UBE2G1: variants seen among roughly 807,000 people sequenced by gnomAD.
UBE2G1 encodes the protein ubiquitin-conjugating enzyme E2 G1.
Under a neutral mutation model 22.7 loss-of-function variants are expected in UBE2G1, and 5 were observed. That is an observed-to-expected ratio of 0.22 (90% CI 0.12 to 0.46). The LOEUF (loss-of-function observed/expected upper bound fraction) is 0.46. Ranked by LOEUF, UBE2G1 falls within the 20% of genes least tolerant of loss-of-function variation. The probability of loss-of-function intolerance (pLI) is 0.99; values close to 1 mark genes in which losing one functional copy is unlikely to be tolerated. For synonymous variants in UBE2G1, 74 were observed against 67.5 expected (o/e 1.10, Z -0.47); for missense variants, 88 against 203.9 (o/e 0.43, Z 3.46).
At chr17:4,343,944 G>C (rs577742495) in intron 1 of UBE2G1, among the ~76,000 whole-genome samples, 4 of 152,056 alleles carry the variant, frequency 2.6e-5, no homozygotes, top group Non-Finnish European at 5.9e-5. Flanking sequence ...CTCCTCAGTT[G>C]CAACAGATAC....
intron 1 of UBE2G1, among the ~76,000 whole-genome samples, chr17:4,330,692 G>A (rs769300539): frequency 3.9e-5 from 6 of 151,950 alleles, no homozygotes; most frequent in Non-Finnish European, 8.8e-5. Context: ...AGCCAAGATC[G>A]CACCATTGCG....
rs770757443 is a variant in UBE2G1 at position 4,280,037 on chromosome 17, C to CTT, written c.*37+2759_*37+2760dup. Among the ~76,000 whole-genome samples the CTT allele has an allele frequency of 2.9e-3, 399 of 139,956 alleles. 2 individuals are homozygous for CTT. The highest frequency in any genetic ancestry group is 9.9e-3 in the African/African-American group (373 of 37,852). 91.8% of individuals were successfully genotyped at this position (139,956 alleles called of 152,430 possible). A position where few individuals can be genotyped will look rare whatever the true frequency, so the allele number is the denominator to read the frequency against. On this transcript the variant is annotated intron_variant, in intron 5 of 5. Coordinates refer to ENST00000396981, the MANE Select transcript of UBE2G1 (RefSeq NM_003342.5). ...CAATATCCAGATTTAGATAGATAGA[C>CTT]TTTTTTTTTTTTTTTTGAGATGAAG...
At chr17:4,282,290 C>T (rs1025215169) in intron 5 of UBE2G1, among the ~76,000 whole-genome samples, 2 of 152,018 alleles carry the variant, frequency 1.3e-5, no homozygotes, top group African/African-American at 4.8e-5. Context: ...ACCATGTTGT[C>T]CAGGCTAGTC....
rs539594856 is a variant in UBE2G1 at position 4,353,675 on chromosome 17, G to T, written c.46+12596C>A. 1.1e-4 allele frequency among the ~76,000 whole-genome samples: 16 copies of T among 151,910 alleles called. 1 individual carries two copies. In the South Asian group the frequency reaches 3.3e-3, roughly 32 times the overall value. On this transcript the variant is annotated intron_variant, in intron 1 of 5. Coordinates refer to ENST00000396981, the MANE Select transcript of UBE2G1 (RefSeq NM_003342.5). ...CTACAGGCACGTGCCACCACACCCG[G>T]CTAATTTTTGTATTTTTAGTAGAGA... is the stretch of plus-strand genomic sequence containing the variant.
chr17:4,354,515 C>T (rs916563907), intron 1 of UBE2G1, among the ~76,000 whole-genome samples: 1 of 151,882 alleles, frequency 6.6e-6, no homozygotes, highest in African/African-American at 2.4e-5. Context: ...CTAAGAACTC[C>T]CAAAAGAAAA....
In UBE2G1 at chr17:4,289,072, T is replaced by C. The variant is rs1178939816; in HGVS notation, c.426+158A>G. 2.0e-5 allele frequency among the ~76,000 whole-genome samples: 3 copies of C among 149,704 alleles called. No homozygotes were observed. In the East Asian group the frequency reaches 5.9e-4, roughly 29 times the overall value. ...AAAATAAATACGTAAATAAATATAT[T>C]TATTTTGTCAAAAATAAGAACTATG... On this transcript the variant is annotated intron_variant, in intron 4 of 5. Transcript: ENST00000396981.
At chr17:4,338,252 A>G (rs1411171101) in intron 1 of UBE2G1, among the ~76,000 whole-genome samples, 1 of 152,186 alleles carries the variant, frequency 6.6e-6, no homozygotes, top group Non-Finnish European at 1.5e-5. Flanking sequence ...GCTGGACTAA[A>G]AAAACAATTA....
intron 1 of UBE2G1, among the ~76,000 whole-genome samples, chr17:4,363,354 T>C (rs759822706): frequency 5.3e-5 from 8 of 152,308 alleles, no homozygotes; most frequent in Non-Finnish European, 1.2e-4. Context: ...AACTTTACAA[T>C]GAGGCCTGAA....
intron 5 of UBE2G1, among the ~76,000 whole-genome samples, chr17:4,273,082 C>A (rs910771932): frequency 2.0e-5 from 3 of 152,232 alleles, no homozygotes; most frequent in Non-Finnish European, 4.4e-5. Flanking sequence ...TCCATCCCAA[C>A]CACAGTTTCT....
intron 2 of UBE2G1, chr17:4,301,662 GT>G (rs1969181541): frequency 1.3e-6 from 1 of 775,754 alleles, no homozygotes; most frequent in Non-Finnish European, 2.3e-6. Context: ...CACTGGACAG[GT>G]TGTTTTGTTC....
chr17:4,282,103 G>C (rs1462588949), intron 5 of UBE2G1, among the ~76,000 whole-genome samples: 2 of 152,138 alleles, frequency 1.3e-5, no homozygotes, highest in Non-Finnish European at 2.9e-5. Flanking sequence ...TTTTTTCTGA[G>C]ATAGAGTCTT....
At chr17:4,325,668 G>C (rs1434538073) in intron 1 of UBE2G1, among the ~76,000 whole-genome samples, 2 of 152,084 alleles carry the variant, frequency 1.3e-5, no homozygotes, top group Non-Finnish European at 2.9e-5. Flanking sequence ...AAACATTCTT[G>C]AAAACAAGAA....
intron 3 of UBE2G1, among the ~76,000 whole-genome samples, chr17:4,293,372 C>T (rs1199367065): frequency 6.6e-6 from 1 of 152,090 alleles, no homozygotes; most frequent in Non-Finnish European, 1.5e-5. Flanking sequence ...CTTTTTATTG[C>T]CAAATAATAT....
intron 1 of UBE2G1, among the ~76,000 whole-genome samples, chr17:4,324,245 G>A (rs1328304253): frequency 6.6e-6 from 1 of 152,150 alleles, no homozygotes; most frequent in Non-Finnish European, 1.5e-5. Context: ...GGTTAGACCT[G>A]CACTTTCTAA....
At chr17:4,278,436 A>C (rs1351651793) in intron 5 of UBE2G1, among the ~76,000 whole-genome samples, 1 of 136,956 alleles carries the variant, frequency 7.3e-6, no homozygotes, top group Non-Finnish European at 1.6e-5. Context: ...TGAACTTAAA[A>C]AAGAAAAAAT....
chr17:4,275,097 C>G (rs1458378616), intron 5 of UBE2G1, among the ~76,000 whole-genome samples: 1 of 151,712 alleles, frequency 6.6e-6, no homozygotes, highest in Non-Finnish European at 1.5e-5. Flanking sequence ...GCAAGACTCC[C>G]GTCTTAAAAA....
intron 1 of UBE2G1, among the ~76,000 whole-genome samples, chr17:4,315,333 T>C (rs571119327): frequency 2.6e-5 from 4 of 152,328 alleles, no homozygotes; most frequent in African/African-American, 9.6e-5. Flanking sequence ...GTTTTCAGTA[T>C]TGTCGATCAT....
rs1969115868 is a variant in UBE2G1 at position 4,296,612 on chromosome 17, GC to G, written c.247+104del. On this transcript the variant is annotated intron_variant, in intron 3 of 5. Transcript: ENST00000396981. ...TGTGCACAATGAACAGTACAAAAAT[GC>G]CAAAGCAATTTCACTGAGAAACAGA... is the stretch of plus-strand genomic sequence containing the variant. The G allele has an allele frequency of 3.4e-6, 4 of 1,183,718 alleles. No homozygotes were observed. In the Admixed American group the frequency reaches 6.8e-5, roughly 20 times the overall value. 73.3% of individuals were successfully genotyped at this position (1,183,718 alleles called of 1,614,324 possible).
intron 5 of UBE2G1, among the ~76,000 whole-genome samples, chr17:4,280,678 C>T (rs1968877608): frequency 6.6e-6 from 1 of 150,952 alleles, no homozygotes; most frequent in Non-Finnish European, 1.5e-5. Context: ...GTTCTTGTTG[C>T]ACAGGCTGGA....
Sources: allele counts gnomAD v4.1 joint callset (sites outside exome capture counted in the v4.1 genomes callset), GRCh38; gene constraint gnomAD v4.1.1; transcripts MANE v1.5; gene names NCBI Gene and HGNC (gene_info 2026-07-23, HGNC 2026-07-21).